CCDC60: variants seen among roughly 807,000 people sequenced by gnomAD.
CCDC60 encodes the protein coiled-coil domain-containing protein 60.
CCDC60 carries 54 observed loss-of-function variants against 63.5 expected under a neutral mutation model. That is an observed-to-expected ratio of 0.85 (90% CI 0.68 to 1.07). The LOEUF is 1.07. Ranked by LOEUF, CCDC60 falls within the 50% of genes least tolerant of loss-of-function variation. CCDC60 has a pLI of 0.00. For synonymous variants in CCDC60, 206 were observed against 238.8 expected (o/e 0.86, Z 1.27); for missense variants, 651 against 684.3 (o/e 0.95, Z 0.54).
At chr12:119,486,726 G>A (rs1193321040) in intron 4 of CCDC60, among the ~76,000 whole-genome samples, 1 of 152,112 alleles carries the variant, frequency 6.6e-6, no homozygotes, top group African/African-American at 2.4e-5. Context: ...GGTAGGGCAG[G>A]GCTGTTCCCC....
chr12:119,512,661 C>G (rs1313601555), intron 7 of CCDC60, among the ~76,000 whole-genome samples: 3 of 152,228 alleles, frequency 2.0e-5, no homozygotes, highest in Non-Finnish European at 2.9e-5. Context: ...CCACACTGCT[C>G]TCTGTTCTGA....
chr12:119,500,028 T>A, intron 5 of CCDC60, 50 bp from the exon 6 acceptor site: 1 of 1,281,950 alleles, frequency 7.8e-7, no homozygotes, highest in Non-Finnish European at 1.1e-6. Flanking sequence ...GAACTTGTAA[T>A]AAACCAAGAC....
intron 3 of CCDC60, among the ~76,000 whole-genome samples, chr12:119,473,132 C>G (rs117791262): frequency 6.6e-6 from 1 of 152,270 alleles, no homozygotes; most frequent in East Asian, 1.9e-4. Flanking sequence ...CCCCCAAGGT[C>G]AGTAGTTAGA....
chr12:119,497,145 A>T (rs1392526791), intron 5 of CCDC60, among the ~76,000 whole-genome samples: 2 of 152,158 alleles, frequency 1.3e-5, no homozygotes, highest in African/African-American at 4.8e-5. Flanking sequence ...ACTTTCACTC[A>T]TGTATTTTTG....
intron 1 of CCDC60, among the ~76,000 whole-genome samples, chr12:119,371,978 C>A (rs776485916): frequency 6.6e-6 from 1 of 151,680 alleles, no homozygotes; most frequent in East Asian, 2.0e-4. Flanking sequence ...TGATCTTAGG[C>A]CGGACGCAGT....
intron 2 of CCDC60, among the ~76,000 whole-genome samples, chr12:119,443,581 AAT>A (rs1950485730): frequency 2.6e-5 from 4 of 152,184 alleles, no homozygotes; most frequent in Non-Finnish European, 5.9e-5. Flanking sequence ...TAATAATAAT[AAT>A]AAAACAGCAG....
At chr12:119,481,804 C>A (rs967349214) in intron 4 of CCDC60, among the ~76,000 whole-genome samples, 5 of 151,732 alleles carry the variant, frequency 3.3e-5, no homozygotes, top group Non-Finnish European at 7.4e-5. Flanking sequence ...ATTCTTATGC[C>A]TTTGCATCAT....
At chr12:119,344,836 TTCTCTC>T (rs796680771) in intron 1 of CCDC60, among the ~76,000 whole-genome samples, 1 of 107,872 alleles carries the variant, frequency 9.3e-6, no homozygotes, top group South Asian at 3.5e-4. Flanking sequence ...CTCTCTCTCT[TTCTCTC>T]TCTCTCTCTC....
chr12:119,453,369 A>G (rs943944756), intron 2 of CCDC60, among the ~76,000 whole-genome samples: 1 of 152,230 alleles, frequency 6.6e-6, no homozygotes, highest in African/African-American at 2.4e-5. Flanking sequence ...AAATCAAAGA[A>G]GAATTAAGAA....
chr12:119,488,473 A>T (rs1475751032), intron 4 of CCDC60, among the ~76,000 whole-genome samples: 1 of 152,068 alleles, frequency 6.6e-6, no homozygotes, highest in Non-Finnish European at 1.5e-5. Flanking sequence ...GCATTGGATA[A>T]TCTCATTTCA....
intron 2 of CCDC60, among the ~76,000 whole-genome samples, chr12:119,471,247 G>C (rs1299161078): frequency 6.6e-6 from 1 of 152,180 alleles, no homozygotes; most frequent in Admixed American, 6.5e-5. Flanking sequence ...GAATTATGAG[G>C]TCCCAACATA....
intron 13 of CCDC60, among the ~76,000 whole-genome samples, chr12:119,532,427 T>TATTATC (rs1952874922): frequency 7.3e-6 from 1 of 137,798 alleles, no homozygotes. Context: ...TTATTATTAT[T>TATTATC]ATTATCATTA....
At chr12:119,371,489 C>T (rs1955897719) in intron 1 of CCDC60, among the ~76,000 whole-genome samples, 1 of 152,148 alleles carries the variant, frequency 6.6e-6, no homozygotes, top group African/African-American at 2.4e-5. Context: ...ACTCGGTCTG[C>T]TTTGTGTCAG....
chr12:119,493,011 GA>G (rs35204173), intron 5 of CCDC60, among the ~76,000 whole-genome samples: 16,782 of 152,002 alleles, frequency 0.11, 1,344 homozygotes, highest in Non-Finnish European at 0.17. Flanking sequence ...TGCAAACAGG[GA>G]AAAAAGGCTA....
intron 13 of CCDC60, among the ~76,000 whole-genome samples, chr12:119,534,450 A>G (rs12313500): frequency 0.02 from 3,012 of 152,204 alleles, 86 homozygotes; most frequent in African/African-American, 0.067. Context: ...TTCCAACACT[A>G]TGTTGAATAG....
At chr12:119,423,657 C>A (rs1956853021) in intron 1 of CCDC60, among the ~76,000 whole-genome samples, 1 of 152,246 alleles carries the variant, frequency 6.6e-6, no homozygotes, top group Non-Finnish European at 1.5e-5. Flanking sequence ...AAGGCCACCT[C>A]TTCTTCCCTT....
Position 119,503,241 on chromosome 12 carries a change from T to C in CCDC60, c.649-1828T>C, listed in dbSNP as rs1238450126. ...CCTGGTTCCTAGAGTCAGGAATTCATATTGTTCTAGATAAAATGGAAAGAG... is the reference window on the plus strand; with the variant it reads ...CCTGGTTCCTAGAGTCAGGAATTCACATTGTTCTAGATAAAATGGAAAGAG... On this transcript the variant is annotated intron_variant, in intron 6 of 13. Transcript: ENST00000327554. Among the ~76,000 whole-genome samples the C allele has an allele frequency of 3.9e-5, 6 of 152,320 alleles. No individual in the cohort carries two copies. In the East Asian group the frequency reaches 1.2e-3, roughly 29 times the overall value.
intron 1 of CCDC60, among the ~76,000 whole-genome samples, chr12:119,344,191 A>G (rs1337462147): frequency 1.3e-5 from 2 of 152,058 alleles, no homozygotes; most frequent in African/African-American, 4.8e-5. Flanking sequence ...TCCCTATTAG[A>G]TGACAGTTGC....
At chr12:119,362,991 G>A (rs540859867) in intron 1 of CCDC60, among the ~76,000 whole-genome samples, 17 of 152,152 alleles carry the variant, frequency 1.1e-4, no homozygotes, top group Non-Finnish European at 2.2e-4. Context: ...CCAGCTACTC[G>A]GGAGGCTGGG....
Sources: gnomAD v4.1 joint callset for allele counts (sites outside exome capture counted in the v4.1 genomes callset) on GRCh38, gnomAD v4.1.1 for gene constraint, MANE v1.5 for transcripts, NCBI Gene and HGNC (gene_info 2026-07-23, HGNC 2026-07-21) for gene names.